The following VIPR1 variants were observed in gnomAD, a reference collection of about 807,000 sequenced individuals.
VIPR1 encodes the protein vasoactive intestinal peptide receptor 1, also known as vasoactive intestinal polypeptide receptor 1.
In VIPR1, 59 loss-of-function variants were observed where a neutral mutation model predicts 58.8. The ratio of observed to expected loss-of-function variants is 1.00; its 90% confidence interval spans 0.81 to 1.25. The LOEUF is 1.25. Among genes scored for constraint, VIPR1 ranks in the 50% most tolerant of loss-of-function variants. The pLI, the probability that VIPR1 is intolerant of heterozygous loss-of-function variation, is 0.00. For missense variants in VIPR1, 626 were observed against 602.7 expected, an observed-to-expected ratio of 1.04 and a Z score of -0.40; for synonymous variants, 251 against 242.1, an observed-to-expected ratio of 1.04 and a Z score of -0.34.
exon 1 of VIPR1, chr3:42,489,452 A>T (rs1699627944): frequency 6.6e-6 from 1 of 152,234 alleles, no homozygotes; most frequent in South Asian, 2.1e-4. Flanking sequence ...CTGGAGCCAG[A>T]GCGGAGTATA....
At chr3:42,530,473 A>G (rs1701476490) in intron 6 of VIPR1, 2 of 301,142 alleles carry the variant, frequency 6.6e-6, no homozygotes, top group East Asian at 1.2e-4. Context: ...GTGGGTAAAT[A>G]AATGGATACA....
chr3:42,521,948 G>C (rs776557525), intron 3 of VIPR1, among the ~76,000 whole-genome samples: 8 of 150,006 alleles, frequency 5.3e-5, no homozygotes, highest in Non-Finnish European at 1.0e-4. Flanking sequence ...GGGTTTCACT[G>C]TATTGGCCAG....
At chr3:42,495,353 C>T (rs1026554780) in intron 1 of VIPR1, among the ~76,000 whole-genome samples, 1 of 152,272 alleles carries the variant, frequency 6.6e-6, no homozygotes, top group African/African-American at 2.4e-5. Context: ...CATCTCCTGA[C>T]CTTGTGATCT....
intron 3 of VIPR1, among the ~76,000 whole-genome samples, chr3:42,522,112 T>A (rs1442387894): frequency 0.051 from 4,103 of 79,746 alleles, 105 homozygotes; most frequent in East Asian, 0.13. Context: ...TTTTTTTTTT[T>A]TTTTTTTTTT....
chr3:42,532,505 A>C, intron 10 of VIPR1, 172 bp downstream of exon 10: 1 of 684,126 alleles, frequency 1.5e-6, no homozygotes, highest in Non-Finnish European at 2.6e-6. Context: ...CCCCTGCTCC[A>C]GCCCCACCCT....
chr3:42,506,916 A>ATTTTTT (rs1700144099), intron 1 of VIPR1: 1 of 152,082 alleles, frequency 6.6e-6, no homozygotes, highest in East Asian at 2.0e-4. Flanking sequence ...TTTTGTGAAA[A>ATTTTTT]TTTTTAAACA....
At chr3:42,525,780 G>C in intron 3 of VIPR1, 107 bp from the exon 4 acceptor site, 1 of 1,178,724 alleles carries the variant, frequency 8.5e-7, no homozygotes, top group Non-Finnish European at 1.2e-6. Context: ...GACAGCACCA[G>C]GGTTGGTGGG....
Position 42,531,887 on chromosome 3 carries a change from C to T in VIPR1, c.918+18C>T, listed in dbSNP as rs1701576223. 6 of 1,613,970 alleles carry T rather than the reference C, an allele frequency of 3.7e-6. No homozygotes were observed. The highest frequency in any genetic ancestry group is 5.1e-6 in the Non-Finnish European group (6 of 1,179,954). On this transcript the variant is annotated intron_variant, in intron 9 of 12. Coordinates refer to ENST00000325123, the MANE Select transcript of VIPR1 (RefSeq NM_004624.4). Reference sequence around the variant, plus strand: ...CCATCTTGGTAAGATACCCTCCCACCACCTAGAGATGGGGAAACAGGCCCA... The same window carrying T: ...CCATCTTGGTAAGATACCCTCCCACTACCTAGAGATGGGGAAACAGGCCCA...
intron 3 of VIPR1, 84 bp downstream of exon 3, chr3:42,519,414 G>A: frequency 7.7e-7 from 1 of 1,295,700 alleles, no homozygotes; most frequent in Non-Finnish European, 1.1e-6. Context: ...AAAGGCAAAG[G>A]AAAGTGGTCA....
intron 6 of VIPR1, chr3:42,530,451 T>C (rs1701474260): frequency 3.8e-6 from 1 of 262,808 alleles, no homozygotes; most frequent in South Asian, 7.1e-5. Flanking sequence ...ATAGTGAATG[T>C]CTAGTGGGTG....
At chr3:42,527,329 C>T (rs977917856) in intron 4 of VIPR1, 64 bp from the exon 5 acceptor site, 1 of 1,491,176 alleles carries the variant, frequency 6.7e-7, no homozygotes, top group Non-Finnish European at 9.3e-7. Context: ...CCCACCCCTG[C>T]CAATACCCCC....
chr3:42,513,770 C>A lies in VIPR1; in HGVS notation c.100C>A (p.Gln34Lys). The A allele has an allele frequency of 6.4e-7, 1 of 1,551,482 alleles. No individual in the cohort carries two copies. The highest frequency in any genetic ancestry group is 8.7e-7 in the Non-Finnish European group (1 of 1,146,892). The change falls in exon 2 of 13, where the codon CAG becomes AAG. Residue 34 changes from glutamine (Q) to lysine (K), a missense_variant. Gln to Lys is a moderately conservative substitution (Grantham distance 53, BLOSUM62 1). Transcript: ENST00000325123. ...TCAGGGCGGCCAGGCGGCCAGGCTG[C>A]AGGAGGAGTGTGACTATGTGCAGAT... ...GPAGGQAARL[Q>K]EECDYVQMIE... is the part of the protein sequence containing the mutation.
chr3:42,509,948 C>T (rs1330003338), intron 1 of VIPR1, among the ~76,000 whole-genome samples: 1 of 152,244 alleles, frequency 6.6e-6, no homozygotes, highest in East Asian at 1.9e-4. Flanking sequence ...GCCCCACCAC[C>T]TGCAACCTGA....
chr3:42,530,784 C>G lies in VIPR1; in HGVS notation c.642C>G (p.Gly214=). ...CTTTTCTCCTCCCCCTGCAGGTGGG[C>G]TGTAAGGCAGCCATGGTCTTTTTCC... ...ESDQCSEGSV[G]CKAAMVFFQY... The change falls in exon 7 of 13, where the codon GGC becomes GGG. Residue 214 remains glycine (G), a synonymous_variant. Transcript: ENST00000325123. 6.2e-7 allele frequency: 1 copy of G among 1,613,982 alleles called. No homozygotes were observed. The highest frequency in any genetic ancestry group is 1.7e-5 in the Admixed American group (1 of 60,014).
chr3:42,500,356 C>T (rs1699843630), upstream of VIPR1: 1 of 152,242 alleles, frequency 6.6e-6, no homozygotes, highest in Non-Finnish European at 1.5e-5. Flanking sequence ...TGGTGGGTCA[C>T]ATGGCAAAGT....
intron 1 of VIPR1, among the ~76,000 whole-genome samples, chr3:42,492,735 A>T (rs930344204): frequency 2.0e-5 from 3 of 152,182 alleles, no homozygotes; most frequent in Non-Finnish European, 2.9e-5. Flanking sequence ...GAAGGGAAGG[A>T]CTTCCCTGGG....
intron 3 of VIPR1, among the ~76,000 whole-genome samples, chr3:42,520,337 GT>G (rs1444966158): frequency 2.6e-5 from 4 of 152,242 alleles, no homozygotes; most frequent in Non-Finnish European, 5.9e-5. Flanking sequence ...CCAGTTAGAA[GT>G]GGGGGGTTTT....
At chr3:42,496,065 C>T (rs759998063) in intron 1 of VIPR1, among the ~76,000 whole-genome samples, 13 of 152,010 alleles carry the variant, frequency 8.6e-5, no homozygotes, top group Non-Finnish European at 1.3e-4. Flanking sequence ...GGCGAAATCC[C>T]GTCTCTACTA....
At chr3:42,527,641 C>A in intron 5 of VIPR1, 145 bp downstream of exon 5, 2 of 776,390 alleles carry the variant, frequency 2.6e-6, no homozygotes, top group South Asian at 1.7e-5. Context: ...GCCAGGCCAG[C>A]TTCCCCTGGA....
Sources: gnomAD v4.1 joint callset for allele counts (sites outside exome capture counted in the v4.1 genomes callset) on GRCh38, gnomAD v4.1.1 for gene constraint, MANE v1.5 for transcripts, NCBI Gene and HGNC (gene_info 2026-07-23, HGNC 2026-07-21) for gene names.